Variants in BSG observed in about 807,000 individuals in gnomAD.
BSG encodes basigin.
A neutral mutation model predicts 43.1 loss-of-function variants in BSG; 37 were observed. That is an observed-to-expected ratio of 0.86 (90% CI 0.66 to 1.13). The LOEUF (loss-of-function observed/expected upper bound fraction) is 1.13. Among genes scored for constraint, BSG ranks in the 50% most tolerant of loss-of-function variants. The pLI is 0.00. For missense variants in BSG, 599 were observed against 554.2 expected (o/e 1.08, Z -0.81); for synonymous variants, 309 against 238.7 (o/e 1.29, Z -2.72).
intron 1 of BSG, among the ~76,000 whole-genome samples, chr19:577,109 G>T (rs1235259385): frequency 6.6e-6 from 1 of 152,224 alleles, no homozygotes; most frequent in Non-Finnish European, 1.5e-5. Flanking sequence ...GCTAGGCACA[G>T]TGTGAGGTTC....
chr19:573,689 G>C (rs1981497999), intron 1 of BSG, among the ~76,000 whole-genome samples: 1 of 151,590 alleles, frequency 6.6e-6, no homozygotes, highest in South Asian at 2.1e-4. Context: ...CCTGTGGGAA[G>C]TCGAGGTTCC....
chr19:577,359 TGGGCTTTG>T (rs533373164), intron 1 of BSG, among the ~76,000 whole-genome samples: 182 of 152,224 alleles, frequency 1.2e-3, no homozygotes, highest in Admixed American at 3.7e-3. Flanking sequence ...CCTGCCCCTT[TGGGCTTTG>T]GGGTTTGTTT....
intron 1 of BSG, among the ~76,000 whole-genome samples, chr19:575,816 G>C (rs111561134): frequency 1.8e-4 from 28 of 152,150 alleles, no homozygotes; most frequent in Middle Eastern, 6.8e-3. Flanking sequence ...AGGGTCAGGC[G>C]CCGTCCCTCC....
intron 2 of BSG, among the ~76,000 whole-genome samples, chr19:578,663 G>C (rs923625974): frequency 2.6e-5 from 4 of 152,206 alleles, no homozygotes; most frequent in Non-Finnish European, 5.9e-5. Flanking sequence ...GCCTGGGGCT[G>C]GGGGGATGTG....
intron 2 of BSG, among the ~76,000 whole-genome samples, chr19:578,412 C>T (rs1012134846): frequency 2.0e-5 from 3 of 152,246 alleles, no homozygotes; most frequent in Non-Finnish European, 4.4e-5. Flanking sequence ...TCTGCTTCCC[C>T]GGGCGCCTGC....
chr19:577,598 C>T (rs1304396487), intron 1 of BSG, among the ~76,000 whole-genome samples, 176 bp from the exon 2 acceptor site: 2 of 152,216 alleles, frequency 1.3e-5, no homozygotes, highest in Admixed American at 6.5e-5. Context: ...GGGACGCCCA[C>T]GGTCTTTCCC....
upstream of BSG, chr19:572,589 C>A (rs746247696): frequency 2.1e-6 from 3 of 1,441,308 alleles, no homozygotes; most frequent in Non-Finnish European, 1.8e-6. Flanking sequence ...CCGCGGGCGG[C>A]GGCGGCAGCG....
chr19:579,176 C>T (rs1243461465), intron 2 of BSG: 3 of 500,420 alleles, frequency 6.0e-6, no homozygotes, highest in South Asian at 4.6e-5. Flanking sequence ...CCTCGTGTGT[C>T]TCTGGGCAGG....
chr19:577,772 A>G lies in BSG; in HGVS notation c.68-2A>G, dbSNP rs1260582379. 9 of 1,413,398 alleles carry G rather than the reference A, an allele frequency of 6.4e-6. No homozygotes were observed. Among genetic ancestry groups the G allele is most frequent in the Non-Finnish European group, 8.3e-6 (9 of 1,081,808 alleles). 87.6% of individuals were successfully genotyped at this position (1,413,398 alleles called of 1,614,324 possible). A position where few individuals can be genotyped will look rare whatever the true frequency, so the allele number is the denominator to read the frequency against. ...AAGACCCCACGCGTGCTCTCCCCAC[A>G]GCCGGCTTCGTCCAGGCGCCGCTGT... On this transcript the variant is annotated splice_acceptor_variant, in intron 1 of 8. Transcript: ENST00000333511. LOFTEE classifies it high-confidence loss of function.
At chr19:582,198 C>T (rs1982384844) in intron 6 of BSG, 108 bp from the exon 7 acceptor site, 2 of 1,489,878 alleles carry the variant, frequency 1.3e-6, no homozygotes, top group Non-Finnish European at 1.8e-6. Flanking sequence ...CTGGGGGTCA[C>T]TGAGGGCAGG....
At chr19:580,301 G>T in intron 3 of BSG, 78 bp from the exon 4 acceptor site, 1 of 1,337,638 alleles carries the variant, frequency 7.5e-7, no homozygotes, top group Non-Finnish European at 1.0e-6. Flanking sequence ...TGCCGTGGTT[G>T]GGCCCCTGGA....
chr19:582,525 G>T lies in BSG; in HGVS notation c.1106G>T (p.Gly369Val). The T allele has an allele frequency of 1.2e-6, 2 of 1,603,408 alleles. No individual in the cohort carries two copies. The highest frequency in any genetic ancestry group is 3.4e-5 in the Admixed American group (2 of 59,138). The stretch of plus-strand genomic sequence containing the variant: ...CCCTCGTGCCCCAGGAAGAGCAGCG[G>T]GCAGCACCAGAATGACAAAGGCAAG... ...DAGSAPLKSS[G>V]QHQNDKGKNV... Residue 369 changes from glycine (G) to valine (V), a missense_variant, in exon 8 of 9, where the codon GGG becomes GTG. By Grantham distance (109) the Gly-to-Val change is moderately radical. Transcript: ENST00000333511.
At chr19:582,215 A>G in intron 6 of BSG, 91 bp from the exon 7 acceptor site, 2 of 1,551,242 alleles carry the variant, frequency 1.3e-6, no homozygotes, top group Non-Finnish European at 1.7e-6. Flanking sequence ...CAGGGCTGGC[A>G]GCACAGATGC....
chr19:573,032 T>G (rs1009909773), intron 1 of BSG, among the ~76,000 whole-genome samples: 1 of 138,390 alleles, frequency 7.2e-6, no homozygotes, highest in African/African-American at 2.8e-5. Context: ...TCAGGGGAGG[T>G]GGGCGTCTTG....
chr19:572,840 C>G (rs1981387959), intron 1 of BSG, 139 bp downstream of exon 1: 1 of 1,049,062 alleles, frequency 9.5e-7, no homozygotes, highest in African/African-American at 1.7e-5. Context: ...CCGGGGGCTT[C>G]CCGCGCCAGC....
chr19:578,936 T>C, intron 2 of BSG: 1 of 445,026 alleles, frequency 2.2e-6, no homozygotes, highest in Non-Finnish European at 4.5e-6. Flanking sequence ...TTCACCGTGT[T>C]AGCCAGGATG....
chr19:571,328 G>T, upstream of BSG: 1 of 592,324 alleles, frequency 1.7e-6, no homozygotes, highest in Non-Finnish European at 3.0e-6. Context: ...CTTCGCGTTC[G>T]GCTTAGTCTG....
intron 4 of BSG, 65 bp from the exon 5 acceptor site, chr19:580,581 T>C (rs2145900143): frequency 3.1e-6 from 5 of 1,607,750 alleles, no homozygotes; most frequent in Middle Eastern, 3.3e-4. Context: ...ACAGCCCTCC[T>C]GCGGGAGGCC....
At chr19:572,251 A>T (rs778786246), upstream of BSG, 2 of 382,670 alleles carry the variant, frequency 5.2e-6, no homozygotes, top group Non-Finnish European at 3.6e-6. Context: ...TGTTTAACTC[A>T]GATAAAATCT....
Sources: allele counts gnomAD v4.1 joint callset (sites outside exome capture counted in the v4.1 genomes callset), GRCh38; gene constraint gnomAD v4.1.1; transcripts MANE v1.5; gene names NCBI Gene and HGNC (gene_info 2026-07-23, HGNC 2026-07-21).